The following NPFFR2 variants were observed in gnomAD, a reference collection of about 807,000 sequenced individuals.
The protein encoded by NPFFR2 is G-protein coupled receptor 74.
In NPFFR2, 15 loss-of-function variants were observed where a neutral mutation model predicts 13.1. That is an observed-to-expected ratio of 1.15 (90% confidence interval 0.77 to 1.76). The LOEUF is 1.76. Among genes scored for constraint, NPFFR2 ranks in the 40% most tolerant of loss-of-function variants. NPFFR2 has a pLI of 0.00. For synonymous variants in NPFFR2, 190 were observed against 175.7 expected (o/e 1.08, Z -0.65); for missense variants, 572 against 503.5 (o/e 1.14, Z -1.30).
intron 2 of NPFFR2, among the ~76,000 whole-genome samples, chr4:72,137,798 G>A (rs1378222643): frequency 1.3e-5 from 2 of 152,176 alleles, no homozygotes; most frequent in East Asian, 3.9e-4. Context: ...TATGTTAATA[G>A]ACAGAGACCA....
intron 2 of NPFFR2, 148 bp downstream of exon 2, chr4:72,129,067 C>G (rs1722158024): frequency 5.0e-6 from 3 of 603,840 alleles, no homozygotes. Context: ...CTCATTGGAT[C>G]TGCATTCTGA....
intron 1 of NPFFR2, among the ~76,000 whole-genome samples, chr4:72,067,553 G>C (rs1720110428): frequency 6.6e-6 from 1 of 152,050 alleles, no homozygotes; most frequent in African/African-American, 2.4e-5. Flanking sequence ...TTAAAATTCT[G>C]TACATGGCCA....
chr4:72,102,316 A>G (rs576794094), intron 1 of NPFFR2, among the ~76,000 whole-genome samples: 1 of 152,248 alleles, frequency 6.6e-6, no homozygotes, highest in African/African-American at 2.4e-5. Flanking sequence ...GGGAAAGTAT[A>G]CTAAAAAATC....
chr4:72,039,904 G>C (rs1169212776), intron 1 of NPFFR2, among the ~76,000 whole-genome samples: 1 of 152,038 alleles, frequency 6.6e-6, no homozygotes, highest in Non-Finnish European at 1.5e-5. Flanking sequence ...TGTTGTAACT[G>C]TTTATGTTAT....
intron 1 of NPFFR2, among the ~76,000 whole-genome samples, chr4:72,069,785 A>G (rs1232381077): frequency 6.6e-6 from 1 of 152,176 alleles, no homozygotes; most frequent in East Asian, 1.9e-4. Context: ...GCAAATAAAC[A>G]TGAAAATATG....
chr4:72,080,983 C>A (rs1174036079), intron 1 of NPFFR2, among the ~76,000 whole-genome samples: 1 of 152,160 alleles, frequency 6.6e-6, no homozygotes, highest in African/African-American at 2.4e-5. Flanking sequence ...CCACAACCTC[C>A]CTTATACAGT....
Position 72,147,312 on chromosome 4 carries a change from G to A in NPFFR2, c.763G>A (p.Gly255Ser). 6.2e-7 allele frequency: 1 copy of A among 1,614,134 alleles called. No homozygotes were observed. The highest frequency in any genetic ancestry group is 8.5e-7 in the Non-Finnish European group (1 of 1,180,014). ...SLFRAAVPHTGRKNQEQWHVV... is the reference protein window; with the variant it reads ...SLFRAAVPHTSRKNQEQWHVV... ...CTTCAGGGCTGCAGTTCCTCACACA[G>A]GCAGGAAGAACCAGGAGCAGTGGCA... Residue 255 changes from glycine (G) to serine (S), a missense_variant, in exon 4 of 4, where the codon GGC becomes AGC. Transcript: ENST00000308744.
In NPFFR2 at chr4:72,140,187, A is replaced by G. The variant is rs1414009738; in HGVS notation, c.428+2048A>G. ...GATTATGGGGTTTTCTAAATATACA[A>G]TGACGTCATCTGCAAAGAGGAACAA... On this transcript the variant is annotated intron_variant, in intron 3 of 3. Coordinates refer to ENST00000308744, the MANE Select transcript of NPFFR2 (RefSeq NM_004885.3). Among the ~76,000 whole-genome samples the G allele has an allele frequency of 3.3e-5, 5 of 152,192 alleles. No homozygotes were observed. The East Asian group carries it at 7.7e-4, about 23-fold the overall frequency.
chr4:72,059,531 CT>C (rs1206358166), intron 1 of NPFFR2, among the ~76,000 whole-genome samples: 1 of 152,038 alleles, frequency 6.6e-6, no homozygotes, highest in Non-Finnish European at 1.5e-5. Context: ...GAATCAACAA[CT>C]CTGTGTCTTT....
At chr4:72,136,980 T>G (rs574330704) in intron 2 of NPFFR2, among the ~76,000 whole-genome samples, 2 of 152,328 alleles carry the variant, frequency 1.3e-5, no homozygotes, top group African/African-American at 4.8e-5. Context: ...TAAGGTAAAA[T>G]ATATGCTTAA....
chr4:72,052,425 G>T (rs1339198966), intron 1 of NPFFR2, among the ~76,000 whole-genome samples: 1 of 148,902 alleles, frequency 6.7e-6, no homozygotes, highest in African/African-American at 2.5e-5. Flanking sequence ...TGCAGAAAAG[G>T]CCTTTGACAA....
chr4:72,074,595 G>A (rs1251681089), intron 1 of NPFFR2, among the ~76,000 whole-genome samples: 1 of 151,968 alleles, frequency 6.6e-6, no homozygotes, highest in Non-Finnish European at 1.5e-5. Context: ...CTTTGGGTCT[G>A]GGAGCGTATC....
At chr4:72,039,975 C>A (rs1371510025) in intron 1 of NPFFR2, among the ~76,000 whole-genome samples, 3 of 152,022 alleles carry the variant, frequency 2.0e-5, no homozygotes, top group African/African-American at 7.2e-5. Flanking sequence ...TTTTTATCTT[C>A]TTCAGATGTT....
At chr4:72,142,085 T>G (rs1159233315) in intron 3 of NPFFR2, among the ~76,000 whole-genome samples, 1 of 152,320 alleles carries the variant, frequency 6.6e-6, no homozygotes, top group East Asian at 1.9e-4. Context: ...TTGCAACCCC[T>G]GCCTTTTTTT....
At chr4:72,046,777 T>G (rs1396446002) in intron 1 of NPFFR2, among the ~76,000 whole-genome samples, 1 of 152,126 alleles carries the variant, frequency 6.6e-6, no homozygotes, top group East Asian at 1.9e-4. Flanking sequence ...AGAGGAGAGC[T>G]GTAGGGAAAC....
chr4:72,048,397 C>A (rs991618079), intron 1 of NPFFR2, among the ~76,000 whole-genome samples: 26 of 152,082 alleles, frequency 1.7e-4, no homozygotes, highest in African/African-American at 6.3e-4. Context: ...TATTTTTAAT[C>A]AGATAAAAAT....
In NPFFR2 at chr4:72,147,797, C is replaced by G. The variant is rs752577675; in HGVS notation, c.1248C>G (p.Asn416Lys). The G allele has an allele frequency of 2.9e-5, 46 of 1,570,544 alleles. No individual in the cohort carries two copies. Among genetic ancestry groups the G allele is most frequent in the East Asian group, 4.5e-5 (2 of 44,784 alleles). The change falls in exon 4 of 4, where the codon AAC (asparagine) becomes AAG (lysine). Residue 416 changes from asparagine (N) to lysine (K), a missense_variant. Asn to Lys is a moderately conservative substitution (Grantham distance 94). Coordinates refer to ENST00000308744, the MANE Select transcript of NPFFR2 (RefSeq NM_004885.3). ...TGGAAGAATTAAAAGAAACTACTAA[C>G]AGCAGTGAGATTTAAAAAGAGCTAG... is the stretch of plus-strand genomic sequence containing the variant. ...LVMEELKETT[N>K]SSEI
intron 1 of NPFFR2, among the ~76,000 whole-genome samples, chr4:72,092,300 A>G (rs1359515442): frequency 1.3e-5 from 2 of 152,074 alleles, no homozygotes; most frequent in Non-Finnish European, 2.9e-5. Flanking sequence ...GATGAATAGA[A>G]TGTATATTCT....
At chr4:72,052,078 T>C (rs1253638763) in intron 1 of NPFFR2, among the ~76,000 whole-genome samples, 2 of 48,754 alleles carry the variant, frequency 4.1e-5, no homozygotes, top group East Asian at 5.0e-4. Context: ...AAGGAGGAAC[T>C]GGTACCATTC....
Sources: gnomAD v4.1 joint callset for allele counts (sites outside exome capture counted in the v4.1 genomes callset) on GRCh38, gnomAD v4.1.1 for gene constraint, MANE v1.5 for transcripts, NCBI Gene and HGNC (gene_info 2026-07-23, HGNC 2026-07-21) for gene names.